Variants in ERV3-1 observed in about 807,000 individuals in gnomAD.
ERV3-1 encodes the protein endogenous retrovirus group 3 member 1, envelope, also known as endogenous retrovirus group 3 member 1 Env polyprotein.
A neutral mutation model predicts 24.6 loss-of-function variants in ERV3-1; 36 were observed. The ratio of observed to expected loss-of-function variants is 1.47; its 90% CI spans 1.12 to 1.94. ERV3-1 has a LOEUF of 1.94. Among genes scored for constraint, ERV3-1 ranks in the 30% most tolerant of loss-of-function variants. The probability of loss-of-function intolerance (pLI) is 0.00; values close to 1 mark genes in which losing one functional copy is unlikely to be tolerated. For missense variants in ERV3-1, 578 were observed against 330.9 expected (o/e 1.75, Z -5.79); for synonymous variants, 211 against 122.6 (o/e 1.72, Z -4.76).
rs200952382 is a variant in ERV3-1, at chr7:64,992,193, T to G, written c.834A>C (p.Gln278His). Residue 278 changes from glutamine (Q) to histidine (H), a missense_variant, in exon 2 of 2, where the codon CAA becomes CAC. Gln to His is a conservative substitution (Grantham distance 24). Transcript: ENST00000394323. Reference sequence around the variant, plus strand: ...GGCTGCTGGCTATGTTTTCAGCCAGTTGGGCGAATAAATTACTGGCCAAGG... The same window carrying G: ...GGCTGCTGGCTATGTTTTCAGCCAGGTGGGCGAATAAATTACTGGCCAAGG... ...PPPLASNLFA[Q>H]LAENIASSLH... is the part of the protein sequence containing the mutation. 480 of 766,418 alleles carry G rather than the reference T, an allele frequency of 6.3e-4. No homozygotes were observed. The highest frequency in any genetic ancestry group is 2.4e-3 in the South Asian group (176 of 74,628). The allele number at this position is 766,418 out of a possible 1,614,324, so 47.5% of individuals were successfully genotyped here.
In ERV3-1 at chr7:64,991,108, C is replaced by T. The variant is rs888715411; in HGVS notation, c.*104G>A. 1 of 602,678 alleles carries T rather than the reference C, an allele frequency of 1.7e-6. No individual in the cohort carries two copies. The highest frequency in any genetic ancestry group is 1.9e-5 in the African/African-American group (1 of 53,966). The allele number at this position is 602,678 out of a possible 1,614,324, so 37.3% of individuals were successfully genotyped here. Reference sequence around the variant, plus strand: ...ATTTTTGACAATGAGGGGTAAGAGACAAGGGAGTATAAGGCAAACTCCCAA... The same window carrying T: ...ATTTTTGACAATGAGGGGTAAGAGATAAGGGAGTATAAGGCAAACTCCCAA... On this transcript the variant is annotated 3_prime_UTR_variant, in exon 2 of 2. Transcript: ENST00000394323.
At chr7:64,997,210 C>G (rs1786423032) in intron 1 of ERV3-1, among the ~76,000 whole-genome samples, 1 of 152,206 alleles carries the variant, frequency 6.6e-6, no homozygotes, top group African/African-American at 2.4e-5. Context: ...GCAGATCGGC[C>G]TTTTTCTTAA....
At chr7:64,999,759 C>T (rs1786480337) in intron 1 of ERV3-1, among the ~76,000 whole-genome samples, 1 of 152,194 alleles carries the variant, frequency 6.6e-6, no homozygotes, top group South Asian at 2.1e-4. Context: ...AAGGCGGAAA[C>T]TGATAAGGAG....
At chr7:64,998,115 T>C (rs7794547) in intron 1 of ERV3-1, among the ~76,000 whole-genome samples, 18,625 of 152,092 alleles carry the variant, frequency 0.12, 1,286 homozygotes, top group South Asian at 0.19. Context: ...TCAGGGGCCG[T>C]CCTTGGTAAA....
intron 1 of ERV3-1, among the ~76,000 whole-genome samples, chr7:65,002,220 C>T (rs546074228): frequency 6.6e-6 from 1 of 152,180 alleles, no homozygotes; most frequent in Non-Finnish European, 1.5e-5. Flanking sequence ...AGATGGTGCT[C>T]TCTTGTCTGA....
chr7:64,997,131 C>T (rs1786420712), intron 1 of ERV3-1, among the ~76,000 whole-genome samples: 1 of 152,254 alleles, frequency 6.6e-6, no homozygotes, highest in African/African-American at 2.4e-5. Flanking sequence ...GCCTGAACCC[C>T]TCCATGTCCA....
chr7:65,003,425 G>T (rs1263944076), intron 1 of ERV3-1, among the ~76,000 whole-genome samples: 2 of 152,124 alleles, frequency 1.3e-5, no homozygotes, highest in African/African-American at 2.4e-5. Flanking sequence ...AGGCTGCAGT[G>T]ATCCAAGATC....
Position 64,991,704 on chromosome 7 carries a change from T to C in ERV3-1, c.1323A>G (p.Thr441=), listed in dbSNP as rs977783030. 1.3e-6 allele frequency: 1 copy of C among 755,730 alleles called. No homozygotes were observed. The highest frequency in any genetic ancestry group is 2.4e-6 in the Non-Finnish European group (1 of 412,960). The allele number at this position is 755,730 out of a possible 1,614,324, so 46.8% of individuals were successfully genotyped here. A position where few individuals can be genotyped will look rare whatever the true frequency, so the allele number is the denominator to read the frequency against. The change falls in exon 2 of 2, where the codon ACA becomes ACG. Residue 441 remains threonine (T), a synonymous_variant. Transcript: ENST00000394323. The part of the protein sequence containing the change: ...AKWSGACVLG[T]IRPSFFLMPL... ...GCATTAGGAAGAAGGACGGCCTAAT[T>C]GTCCCCAGTACACAGGCCCCTGACC...
chr7:64,998,708 CAT>C (rs567239543), intron 1 of ERV3-1, among the ~76,000 whole-genome samples: 79 of 152,212 alleles, frequency 5.2e-4, no homozygotes, highest in African/African-American at 8.2e-4. Context: ...ATGGAGGGTT[CAT>C]ATGAGTCCTG....
intron 1 of ERV3-1, chr7:65,004,905 T>C (rs1164545097): frequency 6.7e-6 from 1 of 149,158 alleles, no homozygotes; most frequent in Non-Finnish European, 1.5e-5. Context: ...TTTGGGATAC[T>C]ATTTTCTCTT....
In ERV3-1 at chr7:64,991,918, T is replaced by A. The variant is rs566727693; in HGVS notation, c.1109A>T (p.Glu370Val). The change falls in exon 2 of 2, where the codon GAG (glutamate) becomes GTG (valine). Residue 370 changes from glutamate (E) to valine (V), a missense_variant. Physicochemically the swap from Glu to Val is moderately radical, Grantham distance 121. Coordinates refer to ENST00000394323, the MANE Select transcript of ERV3-1 (RefSeq NM_001007253.4). Reference protein sequence around the residue: ...LTCLGQQYYNETLGKTLWRGK... With the variant: ...LTCLGQQYYNVTLGKTLWRGK... ...CCTCCATAAAGTCTTTCCTAGTGTC[T>A]CGTTGTAATATTGTTGTCCTAGGCA... is the stretch of plus-strand genomic sequence containing the variant. The A allele has an allele frequency of 1.6e-5, 12 of 766,384 alleles. No individual in the cohort carries two copies. In the South Asian group the frequency reaches 1.6e-4, roughly 10 times the overall value. The allele number at this position is 766,384 out of a possible 1,614,324, so 47.5% of individuals were successfully genotyped here.
At chr7:65,002,911 C>T (rs1407039986) in intron 1 of ERV3-1, among the ~76,000 whole-genome samples, 4 of 152,106 alleles carry the variant, frequency 2.6e-5, no homozygotes, top group Non-Finnish European at 5.9e-5. Flanking sequence ...GTTGGTACTT[C>T]GTTCTGTTGC....
At chr7:64,998,256 G>C (rs1053926436) in intron 1 of ERV3-1, among the ~76,000 whole-genome samples, 2 of 152,030 alleles carry the variant, frequency 1.3e-5, no homozygotes, top group Admixed American at 6.6e-5. Flanking sequence ...TTTACTTTAG[G>C]CTTGGCTCGA....
At chr7:65,000,472 C>T (rs1179638007) in intron 1 of ERV3-1, among the ~76,000 whole-genome samples, 4 of 152,142 alleles carry the variant, frequency 2.6e-5, no homozygotes, top group African/African-American at 9.7e-5. Flanking sequence ...ATCTGCCCAC[C>T]TCGGCCTCCC....
At chr7:64,994,136 G>T (rs1002815197) in intron 1 of ERV3-1, among the ~76,000 whole-genome samples, 1 of 152,158 alleles carries the variant, frequency 6.6e-6, no homozygotes, top group South Asian at 2.1e-4. Context: ...GTTTTCACAG[G>T]GCATGGTTCC....
chr7:64,997,620 T>C (rs1786432588), intron 1 of ERV3-1, among the ~76,000 whole-genome samples: 2 of 152,162 alleles, frequency 1.3e-5, no homozygotes, highest in African/African-American at 4.8e-5. Flanking sequence ...CTTCTGGGAA[T>C]TGGCCCTGAG....
intron 1 of ERV3-1, chr7:65,003,887 A>C (rs1026974225): frequency 1.3e-5 from 2 of 152,212 alleles, no homozygotes; most frequent in Admixed American, 1.3e-4. Context: ...CTGCAAAAAG[A>C]GGAACTGATG....
chr7:65,004,454 T>C (rs1474080832), intron 1 of ERV3-1: 1 of 152,200 alleles, frequency 6.6e-6, no homozygotes, highest in Non-Finnish European at 1.5e-5. Flanking sequence ...TTTGTTTTTG[T>C]TTTTGAGACA....
chr7:64,992,937 G>T lies in ERV3-1; in HGVS notation c.90C>A (p.His30Gln). Residue 30 changes from histidine to glutamine, a missense_variant, in exon 2 of 2, where the codon CAC (histidine) becomes CAA (glutamine). By Grantham distance (24) the His-to-Gln change is conservative (BLOSUM62 0). Coordinates refer to ENST00000394323, the MANE Select transcript of ERV3-1 (RefSeq NM_001007253.4). ...TCCCCGACCACGTAGTGTGGGTGCA[G>T]TGGAGGCATCCCTCCCAGGGTTCTC... is the stretch of plus-strand genomic sequence containing the variant. ...LKGEPWEGCL[H>Q]CTHTTWSGNI... 1.3e-6 allele frequency: 1 copy of T among 766,482 alleles called. No homozygotes were observed. The highest frequency in any genetic ancestry group is 1.7e-5 in the African/African-American group (1 of 59,276). 47.5% of individuals were successfully genotyped at this position (766,482 alleles called of 1,614,324 possible). A position where few individuals can be genotyped will look rare whatever the true frequency, so the allele number is the denominator to read the frequency against.
Sources: allele counts gnomAD v4.1 joint callset (sites outside exome capture counted in the v4.1 genomes callset), GRCh38; gene constraint gnomAD v4.1.1; transcripts MANE v1.5; gene names NCBI Gene and HGNC (gene_info 2026-07-23, HGNC 2026-07-21).